GABRB1: variants seen among roughly 807,000 people sequenced by gnomAD.
GABRB1 encodes the protein gamma-aminobutyric acid receptor subunit beta-1.
Under a neutral mutation model 51.6 loss-of-function variants are expected in GABRB1, and 17 were observed. The observed-to-expected ratio is 0.33, with a 90% CI of 0.23 to 0.49. The LOEUF (loss-of-function observed/expected upper bound fraction) is 0.49. GABRB1 is among the 20% of genes least tolerant of loss of function. GABRB1 has a pLI of 0.99. For missense variants in GABRB1, 410 were observed against 600.6 expected (o/e 0.68, Z 3.32); for synonymous variants, 247 against 218.9 (o/e 1.13, Z -1.14).
intron 5 of GABRB1, among the ~76,000 whole-genome samples, chr4:47,326,889 T>A (rs1725281807): frequency 6.6e-6 from 1 of 152,188 alleles, no homozygotes; most frequent in Non-Finnish European, 1.5e-5. Flanking sequence ...TTTGTTTCCA[T>A]GCTTGTTGTT....
Position 47,406,944 on chromosome 4 carries a change from C to A in GABRB1, c.1080+18C>A. The stretch of plus-strand genomic sequence containing the variant: ...AAGTCCAGGTAAGATATTAAATATT[C>A]CTAACAATATTCTTGTTAAATTTAT... On this transcript the variant is annotated intron_variant, in intron 8 of 8. Transcript: ENST00000295454. 6.2e-7 allele frequency: 1 copy of A among 1,607,394 alleles called. No individual in the cohort carries two copies. Among genetic ancestry groups the A allele is most frequent in the South Asian group, 1.1e-5 (1 of 90,646 alleles).
At chr4:47,354,993 T>TTTTTG (rs1348906380) in intron 5 of GABRB1, among the ~76,000 whole-genome samples, 1 of 137,534 alleles carries the variant, frequency 7.3e-6, no homozygotes, top group Non-Finnish European at 1.6e-5. Flanking sequence ...TTTTTTTTTT[T>TTTTTG]TTTTTTTTTT....
chr4:47,363,112 T>TA (rs1462091151), intron 5 of GABRB1, among the ~76,000 whole-genome samples: 2 of 152,234 alleles, frequency 1.3e-5, no homozygotes, highest in South Asian at 4.1e-4. Flanking sequence ...AATTGAGTCT[T>TA]AAAAACTATT....
chr4:47,057,954 G>C (rs1726690534), intron 3 of GABRB1, among the ~76,000 whole-genome samples: 1 of 152,218 alleles, frequency 6.6e-6, no homozygotes, highest in Non-Finnish European at 1.5e-5. Context: ...TGGTAGGAAA[G>C]TGACAACATA....
rs556030214 is a variant in GABRB1 at position 47,403,465 on chromosome 4, T to G, written c.682+10T>G. On this transcript the variant is annotated intron_variant, in intron 6 of 8. Coordinates refer to ENST00000295454, the MANE Select transcript of GABRB1 (RefSeq NM_000812.4). ...GTGGAGTTCACAACAGGTGAGGTTG[T>G]TTCCCCCAAAATGTACTAGGGGTGC... The G allele has an allele frequency of 6.2e-7, 1 of 1,613,882 alleles. No homozygotes were observed. Among genetic ancestry groups the G allele is most frequent in the South Asian group, 1.1e-5 (1 of 91,030 alleles).
intron 4 of GABRB1, among the ~76,000 whole-genome samples, chr4:47,229,731 G>T (rs1287553109): frequency 6.6e-6 from 1 of 152,124 alleles, no homozygotes; most frequent in Non-Finnish European, 1.5e-5. Flanking sequence ...TGGAGAAAGA[G>T]ACACACAGAG....
intron 3 of GABRB1, among the ~76,000 whole-genome samples, chr4:47,046,007 A>T (rs1306824176): frequency 6.6e-6 from 1 of 152,190 alleles, no homozygotes; most frequent in Middle Eastern, 3.4e-3. Flanking sequence ...TGACTGAAAC[A>T]TAGGGGCAGT....
chr4:47,369,882 C>T (rs966450629), intron 5 of GABRB1, among the ~76,000 whole-genome samples: 3 of 152,064 alleles, frequency 2.0e-5, no homozygotes, highest in Non-Finnish European at 4.4e-5. Flanking sequence ...TAGTTACTGA[C>T]AATGAACATG....
At chr4:47,291,595 G>T (rs965268980) in intron 4 of GABRB1, among the ~76,000 whole-genome samples, 5 of 152,134 alleles carry the variant, frequency 3.3e-5, no homozygotes, top group Non-Finnish European at 2.9e-5. Flanking sequence ...ACTAGGAGGG[G>T]GGCTATACCC....
At chr4:47,109,294 A>T (rs1220263426) in intron 3 of GABRB1, among the ~76,000 whole-genome samples, 1 of 152,114 alleles carries the variant, frequency 6.6e-6, no homozygotes, top group African/African-American at 2.4e-5. Flanking sequence ...GAGGTGGGTA[A>T]CTTAGGTGAT....
intron 5 of GABRB1, among the ~76,000 whole-genome samples, chr4:47,342,081 A>C (rs1039338311): frequency 2.0e-5 from 3 of 152,196 alleles, no homozygotes; most frequent in Non-Finnish European, 4.4e-5. Context: ...CAGAAGTCTG[A>C]TTTAAAGATT....
In GABRB1 at chr4:47,200,868, C is replaced by A. The variant is rs1224745798; in HGVS notation, c.461+39399C>A. Among the ~76,000 whole-genome samples, 5 of 152,174 alleles carry A rather than the reference C, an allele frequency of 3.3e-5. No homozygotes were observed. In the South Asian group the frequency reaches 8.3e-4, roughly 25 times the overall value. ...CATAATATAGTGTACATATTTAATA[C>A]CTCCCTGTTACTTGTATTTCAAGCA... On this transcript the variant is annotated intron_variant, in intron 4 of 8. Transcript: ENST00000295454.
At chr4:47,235,280 G>A (rs981564889) in intron 4 of GABRB1, among the ~76,000 whole-genome samples, 1 of 152,102 alleles carries the variant, frequency 6.6e-6, no homozygotes, top group Non-Finnish European at 1.5e-5. Flanking sequence ...TCCCAGGCGC[G>A]GTGGATCACG....
chr4:47,195,942 A>G (rs1719666405), intron 4 of GABRB1, among the ~76,000 whole-genome samples: 1 of 152,238 alleles, frequency 6.6e-6, no homozygotes, highest in Non-Finnish European at 1.5e-5. Flanking sequence ...TGTTTCTGTG[A>G]TATAGAGTGA....
In GABRB1 at chr4:47,058,929, G is replaced by A. The variant is rs116066686; in HGVS notation, c.240+26445G>A. ...GGCTAAATGGCACATTTTCTAGTTA[G>A]TAAATAAGTAAAATGGTGGTTTATA... On this transcript the variant is annotated intron_variant, in intron 3 of 8. Coordinates refer to ENST00000295454, the MANE Select transcript of GABRB1 (RefSeq NM_000812.4). 8.5e-3 allele frequency among the ~76,000 whole-genome samples: 1,290 copies of A among 152,306 alleles called. 14 individuals carry two copies. Among genetic ancestry groups the A allele is most frequent in the African/African-American group, 0.028 (1,181 of 41,568 alleles).
At chr4:47,029,928 T>A (rs538521197), upstream of GABRB1, among the ~76,000 whole-genome samples, 1 of 152,142 alleles carries the variant, frequency 6.6e-6, no homozygotes, top group East Asian at 1.9e-4. Context: ...CACAATAATG[T>A]CTTGATATCT....
At chr4:47,143,003 C>T (rs1249414911) in intron 3 of GABRB1, among the ~76,000 whole-genome samples, 1 of 151,768 alleles carries the variant, frequency 6.6e-6, no homozygotes, top group Admixed American at 6.6e-5. Flanking sequence ...TTTGACCATC[C>T]TGCTTGGAGC....
In GABRB1 at chr4:47,039,397, C is replaced by G. The variant is rs1577849575; in HGVS notation, c.240+6913C>G. On this transcript the variant is annotated intron_variant, in intron 3 of 8. Transcript: ENST00000295454. ...AAAACCAGGCAACTAGATATGGTCT[C>G]TGTTCTTGTAGAGCTTATAGTCTTT... Among the ~76,000 whole-genome samples, 3 of 148,874 alleles carry G rather than the reference C, an allele frequency of 2.0e-5. No homozygotes were observed. The South Asian group carries it at 6.4e-4, about 32-fold the overall frequency.
intron 4 of GABRB1, among the ~76,000 whole-genome samples, chr4:47,292,086 G>C (rs550509495): frequency 1.1e-4 from 17 of 152,296 alleles, no homozygotes; most frequent in African/African-American, 3.9e-4. Context: ...CAAGTGTTAT[G>C]GGTGGGACCC....
Sources: gnomAD v4.1 joint callset for allele counts (sites outside exome capture counted in the v4.1 genomes callset) on GRCh38, gnomAD v4.1.1 for gene constraint, MANE v1.5 for transcripts, NCBI Gene and HGNC (gene_info 2026-07-23, HGNC 2026-07-21) for gene names.